Variants in THSD7B observed in about 807,000 individuals in gnomAD.
The protein encoded by THSD7B is thrombospondin type 1 domain containing 7B.
THSD7B carries 138 observed loss-of-function variants against 213.6 expected under a neutral mutation model. That is an observed-to-expected ratio of 0.65 (90% CI 0.56 to 0.74). The LOEUF is 0.74. Among genes scored for constraint, THSD7B ranks in the 30% least tolerant of loss-of-function variants. THSD7B has a pLI of 0.00. For missense variants in THSD7B, 1,931 were observed against 1,991.5 expected (o/e 0.97, Z 0.58); for synonymous variants, 742 against 687.0 (o/e 1.08, Z -1.25).
chr2:137,481,081 GA>G (rs1307107378), intron 15 of THSD7B, among the ~76,000 whole-genome samples: 1 of 152,208 alleles, frequency 6.6e-6, no homozygotes, highest in East Asian at 1.9e-4. Context: ...TGCCATCTTG[GA>G]AGCAGAGAAC....
At chr2:137,065,338 C>G (rs1687355663) in intron 3 of THSD7B, among the ~76,000 whole-genome samples, 3 of 151,920 alleles carry the variant, frequency 2.0e-5, no homozygotes, top group African/African-American at 7.2e-5. Flanking sequence ...TAAAATGCTA[C>G]TGATTTTTAT....
chr2:137,595,148 G>A (rs1056274356), intron 17 of THSD7B, among the ~76,000 whole-genome samples: 8 of 151,842 alleles, frequency 5.3e-5, no homozygotes, highest in African/African-American at 9.7e-5. Context: ...ACACCTTTCC[G>A]TATGATATTT....
chr2:137,261,007 C>A (rs1026064612), intron 10 of THSD7B, among the ~76,000 whole-genome samples: 1 of 151,960 alleles, frequency 6.6e-6, no homozygotes, highest in Non-Finnish European at 1.5e-5. Context: ...ATATGGGGGT[C>A]TTGCTGTGTT....
At chr2:136,802,027 G>A (rs1013933981) in intron 1 of THSD7B, among the ~76,000 whole-genome samples, 3 of 152,056 alleles carry the variant, frequency 2.0e-5, no homozygotes, top group Non-Finnish European at 4.4e-5. Flanking sequence ...TGTGGTTTCC[G>A]AACAGTTAAT....
At chr2:137,652,161 A>G (rs939496981) in intron 21 of THSD7B, among the ~76,000 whole-genome samples, 1 of 151,980 alleles carries the variant, frequency 6.6e-6, no homozygotes, top group African/African-American at 2.4e-5. Context: ...ATGTTCTACT[A>G]TTATTGTATT....
At chr2:136,872,566 T>C (rs934193599) in intron 1 of THSD7B, among the ~76,000 whole-genome samples, 3 of 150,470 alleles carry the variant, frequency 2.0e-5, no homozygotes, top group Admixed American at 2.0e-4. Flanking sequence ...TCCTTTTCTT[T>C]TCTTCTTTCT....
chr2:137,593,229 C>T (rs1310786569), intron 17 of THSD7B, among the ~76,000 whole-genome samples: 1 of 151,850 alleles, frequency 6.6e-6, no homozygotes, highest in Admixed American at 6.6e-5. Flanking sequence ...CTACTGCAAC[C>T]GTTCTGTAAA....
rs1244183370 is a variant in THSD7B, at chr2:137,546,404, TTA to T, written c.3139-16807_3139-16806del. 1.5e-3 allele frequency among the ~76,000 whole-genome samples: 60 copies of T among 39,798 alleles called. 5 individuals carry two copies. The highest frequency in any genetic ancestry group is 6.7e-3 in the African/African-American group (37 of 5,510). 26.1% of individuals were successfully genotyped at this position (39,798 alleles called of 152,430 possible). ...ATATATATTATATATATTATATATA[TTA>T]TATATATATTATATATATTATATAT... On this transcript the variant is annotated intron_variant, in intron 15 of 27. Transcript: ENST00000409968.
intron 2 of THSD7B, among the ~76,000 whole-genome samples, chr2:137,012,921 T>C (rs1355867557): frequency 1.3e-5 from 2 of 152,324 alleles, no homozygotes; most frequent in South Asian, 2.1e-4. Flanking sequence ...ACCTGGAGTA[T>C]AGACTTAACC....
intron 12 of THSD7B, among the ~76,000 whole-genome samples, chr2:137,363,315 C>A (rs1685317422): frequency 6.6e-6 from 1 of 152,006 alleles, no homozygotes; most frequent in Non-Finnish European, 1.5e-5. Context: ...CCTAACATCA[C>A]AATAAAAAGA....
At chr2:137,656,624 T>C (rs1162433147) in intron 22 of THSD7B, among the ~76,000 whole-genome samples, 172 bp from the exon 23 acceptor site, 1 of 152,248 alleles carries the variant, frequency 6.6e-6, no homozygotes, top group Non-Finnish European at 1.5e-5. Context: ...AAACTATAAA[T>C]TACTTCATCA....
chr2:137,281,841 G>C (rs1231476206), intron 12 of THSD7B, among the ~76,000 whole-genome samples: 1 of 152,134 alleles, frequency 6.6e-6, no homozygotes, highest in Admixed American at 6.5e-5. Flanking sequence ...CATTGCTATT[G>C]TGAATAGTGC....
At chr2:136,781,468 CACCATGTTGGCCAGGCTGGTCT>C (rs1553448005) in intron 1 of THSD7B, among the ~76,000 whole-genome samples, 2 of 151,304 alleles carry the variant, frequency 1.3e-5, no homozygotes, top group Non-Finnish European at 1.5e-5. Flanking sequence ...GACACGGTTT[CACCATGTTGGCCAGGCTGGTCT>C]TGAACTCCTG....
At chr2:137,169,047 T>A (rs1011212438) in intron 6 of THSD7B, among the ~76,000 whole-genome samples, 1 of 151,850 alleles carries the variant, frequency 6.6e-6, no homozygotes, top group Non-Finnish European at 1.5e-5. Context: ...CGCTCTGATC[T>A]TAACCATGTC....
chr2:137,011,206 G>A (rs1686225248), intron 2 of THSD7B, among the ~76,000 whole-genome samples: 1 of 152,106 alleles, frequency 6.6e-6, no homozygotes, highest in Non-Finnish European at 1.5e-5. Flanking sequence ...AAACCTGTGG[G>A]CTTAATCCAG....
At chr2:136,914,900 CTG>C (rs1199564727) in intron 2 of THSD7B, among the ~76,000 whole-genome samples, 7 of 152,034 alleles carry the variant, frequency 4.6e-5, no homozygotes, top group Non-Finnish European at 1.0e-4. Context: ...CATCATATAA[CTG>C]TATAATTTTG....
chr2:136,845,409 GT>G (rs1284128036), intron 1 of THSD7B, among the ~76,000 whole-genome samples: 1 of 152,178 alleles, frequency 6.6e-6, no homozygotes, highest in Non-Finnish European at 1.5e-5. Context: ...AGCAAAAGAA[GT>G]TTTTCTTTTT....
At chr2:137,221,217 GC>G (rs758466938) in intron 7 of THSD7B, among the ~76,000 whole-genome samples, 6 of 152,142 alleles carry the variant, frequency 3.9e-5, no homozygotes, top group Non-Finnish European at 8.8e-5. Context: ...AACCCGGGAG[GC>G]GGAGCTTGCA....
intron 16 of THSD7B, among the ~76,000 whole-genome samples, chr2:137,566,245 G>C (rs909922246): frequency 2.0e-5 from 3 of 152,102 alleles, no homozygotes; most frequent in Non-Finnish European, 4.4e-5. Context: ...TAACATTTTT[G>C]TCCTCTAAGA....
Sources: allele counts gnomAD v4.1 joint callset (sites outside exome capture counted in the v4.1 genomes callset), GRCh38; gene constraint gnomAD v4.1.1; transcripts MANE v1.5; gene names NCBI Gene and HGNC (gene_info 2026-07-23, HGNC 2026-07-21).